The following EIF4G2 variants were observed in gnomAD, a reference collection of about 807,000 sequenced individuals.
The protein encoded by EIF4G2 is DAP-5.
In EIF4G2, 8 loss-of-function variants were observed where a neutral mutation model predicts 117.7. The ratio of observed to expected loss-of-function variants is 0.07; its 90% CI spans 0.04 to 0.12. The LOEUF (loss-of-function observed/expected upper bound fraction) is 0.12, where lower values mean the gene tolerates loss of function less well. EIF4G2 is among the 10% of genes least tolerant of loss of function. The pLI is 1.00. For synonymous variants in EIF4G2, 413 were observed against 367.8 expected (o/e 1.12, Z -1.41); for missense variants, 812 against 1,086.2 (o/e 0.75, Z 3.55).
chr11:10,801,825 T>C (rs1847426311), intron 13 of EIF4G2, 51 bp from the exon 14 acceptor site: 1 of 1,549,476 alleles, frequency 6.5e-7, no homozygotes, highest in Non-Finnish European at 8.8e-7. Context: ...GTCCACAAAT[T>C]ATGGTAATCA....
intron 3 of EIF4G2, 97 bp from the exon 4 acceptor site, chr11:10,806,144 C>T: frequency 5.2e-6 from 8 of 1,525,778 alleles, no homozygotes; most frequent in East Asian, 2.3e-5. Flanking sequence ...TAGGCTTTCT[C>T]GACTTCCCCT....
chr11:10,799,795 T>C (rs1362656909), intron 18 of EIF4G2, 39 bp from the exon 19 acceptor site: 1 of 1,591,522 alleles, frequency 6.3e-7, no homozygotes, highest in South Asian at 1.1e-5. Context: ...TAATAGTTCA[T>C]TTTACCAAGT....
intron 7 of EIF4G2, 31 bp from the exon 8 acceptor site, chr11:10,804,081 A>T (rs768169830): frequency 2.5e-6 from 4 of 1,612,588 alleles, no homozygotes; most frequent in Non-Finnish European, 3.4e-6. Flanking sequence ...GTAAGCCAAC[A>T]TTCAGAATTA....
At chr11:10,804,861 T>G (rs1004808345) in intron 5 of EIF4G2, 52 bp downstream of exon 5, 2 of 1,472,054 alleles carry the variant, frequency 1.4e-6, no homozygotes, top group African/African-American at 2.8e-5. Flanking sequence ...CAACTTGAGT[T>G]TGTTAAACAG....
In EIF4G2 at chr11:10,799,214, T is replaced by C; in HGVS notation, c.2535A>G (p.Lys845=). 2 of 1,614,010 alleles carry C rather than the reference T, an allele frequency of 1.2e-6. No individual in the cohort carries two copies. Among genetic ancestry groups the C allele is most frequent in the Non-Finnish European group, 1.7e-6 (2 of 1,179,968 alleles). ...TTCTTCTGATACAAGTCCTCTCACC[T>C]TTTGGGAAGTTGCTGTTATAGCAGT... The change falls in exon 20 of 22, where the codon AAA becomes AAG. Residue 845 remains lysine (K), a splice_region_variant and synonymous_variant. Transcript: ENST00000339995.
chr11:10,797,982 G>A lies in EIF4G2; in HGVS notation c.2659-101C>T, dbSNP rs1847305657. ...TACACAGTTTTAGAATATGAAACAA[G>A]GATATCCCTACCAACAATTTGTATA... On this transcript the variant is annotated intron_variant, in intron 21 of 21. Transcript: ENST00000339995. This position sits in a 1 kb window ranked among gnomAD's most constrained non-coding sequence, Gnocchi z 4.5. The A allele has an allele frequency of 1.1e-5, 11 of 1,030,994 alleles. No individual in the cohort carries two copies. Among genetic ancestry groups the A allele is most frequent in the South Asian group, 1.4e-5 (1 of 73,956 alleles). 63.9% of individuals were successfully genotyped at this position (1,030,994 alleles called of 1,614,324 possible). A position where few individuals can be genotyped will look rare whatever the true frequency, so the allele number is the denominator to read the frequency against.
chr11:10,800,368 A>G lies in EIF4G2; in HGVS notation c.1861-20T>C, dbSNP rs1322730914. On this transcript the variant is annotated intron_variant, in intron 17 of 21. Coordinates refer to ENST00000339995, the MANE Select transcript of EIF4G2 (RefSeq NM_001418.4). ...GAAAGCCTTGAAAGAAATATACAAC[A>G]GTTTATCAGTTTTCGAATTTGAGTG... 6 of 1,612,636 alleles carry G rather than the reference A, an allele frequency of 3.7e-6. No individual in the cohort carries two copies. In the South Asian group the frequency reaches 4.4e-5, roughly 12 times the overall value.
intron 14 of EIF4G2, chr11:10,801,433 A>G: frequency 1.5e-6 from 1 of 678,038 alleles, no homozygotes. Context: ...TATTTTGACA[A>G]CCAGTTTTCT....
In EIF4G2 at chr11:10,804,381, G is replaced by A. The variant is rs1847503011; in HGVS notation, c.389C>T (p.Ser130Leu). ...TCGCAGACATAGCTGAGCATACAGT[G>A]AGCTATACTTTGGCTCTTCTAGGGC... Residue 130 changes from serine to leucine, a missense_variant, in exon 6 of 22, where the codon TCA (serine) becomes TTA (leucine). Around this residue, in one of 4 missense-constraint regions of EIF4G2, gnomAD observed 154 missense variants for 322.1 expected, o/e 0.48. Transcript: ENST00000339995. The A allele has an allele frequency of 6.2e-7, 1 of 1,612,432 alleles. No homozygotes were observed. Among genetic ancestry groups the A allele is most frequent in the South Asian group, 1.1e-5 (1 of 90,996 alleles).
rs762758623 is a variant in EIF4G2, at chr11:10,800,586, C to T, written c.1706G>A (p.Arg569Lys). Residue 569 changes from arginine (R) to lysine (K), a missense_variant, in exon 17 of 22, where the codon AGA (arginine) becomes AAA (lysine). Around this residue, in one of 4 missense-constraint regions of EIF4G2, gnomAD observed 571 missense variants for 642.3 expected, o/e 0.89. Transcript: ENST00000339995. ...AAAGTGTTTAGGAGCCCTCATTTCT[C>T]TTACACCATTGACAGCCTCATTTGC... 3.7e-6 allele frequency: 6 copies of T among 1,614,168 alleles called. No individual in the cohort carries two copies. The Admixed American group carries it at 1.0e-4, about 27-fold the overall frequency.
Position 10,803,360 on chromosome 11 carries a change from A to G in EIF4G2, c.814-66T>C. 6.3e-7 allele frequency: 1 copy of G among 1,583,740 alleles called. No individual in the cohort carries two copies. Among genetic ancestry groups the G allele is most frequent in the Non-Finnish European group, 8.6e-7 (1 of 1,157,612 alleles). On this transcript the variant is annotated intron_variant, in intron 9 of 21. Transcript: ENST00000339995. The surrounding 1 kb of genome is among the most constrained non-coding windows in gnomAD (Gnocchi z 4.0). ...AATGTGTTCAATTTACAGCTTTAAG[A>G]CTTCTAAAATTATAACCCAGTTAAT...
intron 1 of EIF4G2, chr11:10,807,648 C>G (rs1392933735): frequency 1.9e-6 from 2 of 1,059,374 alleles, no homozygotes; most frequent in Non-Finnish European, 2.3e-6. Flanking sequence ...CCACATTCTA[C>G]TATCTTTAAA....
chr11:10,802,777 G>C (rs559520450), intron 11 of EIF4G2, among the ~76,000 whole-genome samples: 1 of 152,182 alleles, frequency 6.6e-6, no homozygotes, highest in Admixed American at 6.5e-5. Flanking sequence ...TGAAGCAGGA[G>C]AATCACTTGA....
In EIF4G2 at chr11:10,800,774, C is replaced by G. The variant is rs1194928274; in HGVS notation, c.1601G>C (p.Ser534Thr). The G allele has an allele frequency of 6.2e-7, 1 of 1,614,124 alleles. No individual in the cohort carries two copies. The highest frequency in any genetic ancestry group is 1.6e-4 in the Middle Eastern group (1 of 6,062). ...TTCCTTTGACGGTGGTGGCTTTTTG[C>G]TGGTCTTGGCAGGCTTTTCCTGGAT... is the stretch of plus-strand genomic sequence containing the variant. Residue 534 changes from serine (S) to threonine (T), a missense_variant, in exon 16 of 22, where the codon AGC becomes ACC. Physicochemically the swap from Ser to Thr is moderately conservative, Grantham distance 58. This residue lies in a region of EIF4G2 where 571 missense variants were observed against 642.3 expected (regional missense o/e 0.89). Transcript: ENST00000339995.
intron 1 of EIF4G2, chr11:10,807,890 G>T (rs952181388): frequency 9.9e-7 from 1 of 1,006,050 alleles, no homozygotes; most frequent in East Asian, 1.1e-4. Context: ...ACTTGCAGGC[G>T]GAAGACCAGG....
rs761326729 is a variant in EIF4G2, at chr11:10,800,572, G to A, written c.1720C>T (p.Pro574Ser). The change falls in exon 17 of 22, where the codon CCT (proline) becomes TCT (serine). Residue 574 changes from proline to serine, a missense_variant. Pro to Ser is a moderately conservative substitution (Grantham distance 74). Coordinates refer to ENST00000339995, the MANE Select transcript of EIF4G2 (RefSeq NM_001418.4). Reference sequence around the variant, plus strand: ...AACATCTCAGGAAGAAAGTGTTTAGGAGCCCTCATTTCTCTTACACCATTG... The same window carrying A: ...AACATCTCAGGAAGAAAGTGTTTAGAAGCCCTCATTTCTCTTACACCATTG... 8 of 1,614,090 alleles carry A rather than the reference G, an allele frequency of 5.0e-6. No homozygotes were observed. Among genetic ancestry groups the A allele is most frequent in the Non-Finnish European group, 6.8e-6 (8 of 1,180,014 alleles).
intron 1 of EIF4G2, chr11:10,807,710 A>C (rs1476845787): frequency 2.0e-6 from 2 of 994,460 alleles, no homozygotes; most frequent in South Asian, 4.5e-5. Flanking sequence ...GAGCAACATC[A>C]CGTGGAAAAT....
At chr11:10,800,891 G>C (rs1238813494) in intron 15 of EIF4G2, 56 bp from the exon 16 acceptor site, 4 of 1,612,274 alleles carry the variant, frequency 2.5e-6, no homozygotes, top group Non-Finnish European at 3.4e-6. Flanking sequence ...AAATTAGGGG[G>C]AAGAACACAC....
In EIF4G2 at chr11:10,799,397, T is replaced by G; in HGVS notation, c.2352A>C (p.Val784=). Residue 784 remains valine, a synonymous_variant, in exon 20 of 22, where the codon GTA becomes GTC. Transcript: ENST00000339995. ...AATCTGTTTCATCGCTGGGGGGGTT[T>G]ACTTCACTAGAAATGTACTGTAAGA... The G allele has an allele frequency of 6.2e-7, 1 of 1,611,894 alleles. No individual in the cohort carries two copies. Among genetic ancestry groups the G allele is most frequent in the Non-Finnish European group, 8.5e-7 (1 of 1,180,024 alleles).
Sources: allele counts gnomAD v4.1 joint callset (sites outside exome capture counted in the v4.1 genomes callset), GRCh38; gene constraint gnomAD v4.1.1; regional missense constraint gnomAD v4.1.1; non-coding constraint Gnocchi (gnomAD v3.1); transcripts MANE v1.5; gene names NCBI Gene and HGNC (gene_info 2026-07-23, HGNC 2026-07-21).